The following COL1A1 variants were observed in gnomAD, a reference collection of about 807,000 sequenced individuals.
The protein encoded by COL1A1 is collagen type I alpha 1 chain, also known as collagen alpha-1(I) chain.
In COL1A1, 21 loss-of-function variants were observed where a neutral mutation model predicts 195.7. That is an observed-to-expected ratio of 0.11 (90% CI 0.08 to 0.15). The LOEUF is 0.15. COL1A1 is among the 10% of genes least tolerant of loss of function. COL1A1 has a pLI of 1.00. For missense variants in COL1A1, 1,365 were observed against 2,051.0 expected, an observed-to-expected ratio of 0.67 and a Z score of 6.46; for synonymous variants, 749 against 747.3, an observed-to-expected ratio of 1.00 and a Z score of -0.04.
At position 50,184,802 on chromosome 17, in the gene COL1A1, C is replaced by T. The variant is rs1196095616; in HGVS notation, c.*700G>A. 3.0e-5 allele frequency: 6 copies of T among 202,582 alleles called. No homozygotes were observed. The highest frequency in any genetic ancestry group is 4.7e-5 in the Non-Finnish European group (5 of 105,354). The allele number at this position is 202,582 out of a possible 1,614,324, so 12.5% of individuals were successfully genotyped here. On this transcript the variant is annotated 3_prime_UTR_variant, in exon 51 of 51. Coordinates refer to ENST00000225964, the MANE Select transcript of COL1A1 (RefSeq NM_000088.4). ...GGGATTGACACGCGTTCCCCAAATC[C>T]GATGTTTCTGCTTTGTCGTGGCCCT...
chr17:50,185,689 TG>T (rs1341445589), intron 50 of COL1A1, 41 bp from the exon 51 acceptor site: 3 of 1,612,040 alleles, frequency 1.9e-6, no homozygotes, highest in Admixed American at 3.3e-5. Flanking sequence ...CATTACCACG[TG>T]GGAGTGATGG....
chr17:50,201,389 C>G, intron 1 of COL1A1, 22 bp downstream of exon 1: 1 of 1,610,084 alleles, frequency 6.2e-7, no homozygotes, highest in Non-Finnish European at 8.5e-7. Context: ...TATCCTTGCA[C>G]TCCCAAAAGT....
At chr17:50,197,117 C>T (rs1907664859) in intron 10 of COL1A1, 54 bp from the exon 11 acceptor site, 4 of 1,613,872 alleles carry the variant, frequency 2.5e-6, no homozygotes, top group Non-Finnish European at 3.4e-6. Context: ...TCACTGTGGA[C>T]CCAGCTCCTA....
rs1906730282 is a variant in COL1A1, at chr17:50,188,209, G to A, written c.3208-60C>T. On this transcript the variant is annotated intron_variant, in intron 43 of 50. Transcript: ENST00000225964. This position sits in a 1 kb window ranked among gnomAD's most constrained non-coding sequence, Gnocchi z 5.6. ...AGGGAAGGCTGAGGCTGGGGCTGCA[G>A]GATGAGGCCTCCCCTCTGCTGGATC... 1.4e-6 allele frequency: 2 copies of A among 1,427,038 alleles called. No homozygotes were observed. The highest frequency in any genetic ancestry group is 1.9e-6 in the Non-Finnish European group (2 of 1,052,876). The allele number at this position is 1,427,038 out of a possible 1,614,324, so 88.4% of individuals were successfully genotyped here.
At chr17:50,200,265 G>T in intron 1 of COL1A1, 1 of 428,194 alleles carries the variant, frequency 2.3e-6, no homozygotes, top group Non-Finnish European at 4.4e-6. Context: ...GTGAGAGGGG[G>T]AGGGCGGGGG....
Position 50,190,723 on chromosome 17 carries a change from G to A in COL1A1, c.2343+94C>T. 6.7e-7 allele frequency: 1 copy of A among 1,482,404 alleles called. No homozygotes were observed. The highest frequency in any genetic ancestry group is 9.4e-7 in the Non-Finnish European group (1 of 1,064,848). 91.8% of individuals were successfully genotyped at this position (1,482,404 alleles called of 1,614,324 possible). On this transcript the variant is annotated intron_variant, in intron 33 of 50. Coordinates refer to ENST00000225964, the MANE Select transcript of COL1A1 (RefSeq NM_000088.4). The surrounding 1 kb of genome is among the most constrained non-coding windows in gnomAD (Gnocchi z 4.7). ...CCAGGTTGACAGCTCAGTTTGGCAGGACCTGCTCTCCCAACGCAACCCCAC... is the reference window on the plus strand; with the variant it reads ...CCAGGTTGACAGCTCAGTTTGGCAGAACCTGCTCTCCCAACGCAACCCCAC...
At position 50,189,790 on chromosome 17, in the gene COL1A1, G is replaced by A; in HGVS notation, c.2614-58C>T. The A allele has an allele frequency of 6.2e-7, 1 of 1,611,982 alleles. No individual in the cohort carries two copies. Among genetic ancestry groups the A allele is most frequent in the Non-Finnish European group, 8.5e-7 (1 of 1,178,666 alleles). ...GAGAACAGCCAACTCATCCGACCCA[G>A]CTGCCCTCACCTGCCACCGCTGCCT... On this transcript the variant is annotated intron_variant, in intron 37 of 50. Coordinates refer to ENST00000225964, the MANE Select transcript of COL1A1 (RefSeq NM_000088.4). This position sits in a 1 kb window ranked among gnomAD's most constrained non-coding sequence, Gnocchi z 5.5.
chr17:50,189,803 G>A lies in COL1A1; in HGVS notation c.2613+56C>T. 1 of 1,611,416 alleles carries A rather than the reference G, an allele frequency of 6.2e-7. No individual in the cohort carries two copies. The highest frequency in any genetic ancestry group is 8.5e-7 in the Non-Finnish European group (1 of 1,178,332). Reference sequence around the variant, plus strand: ...TCATCCGACCCAGCTGCCCTCACCTGCCACCGCTGCCTGGGGAGAGGGGAG... The same window carrying A: ...TCATCCGACCCAGCTGCCCTCACCTACCACCGCTGCCTGGGGAGAGGGGAG... On this transcript the variant is annotated intron_variant, in intron 37 of 50. Transcript: ENST00000225964. This position sits in a 1 kb window ranked among gnomAD's most constrained non-coding sequence, Gnocchi z 5.5.
chr17:50,186,423 A>G lies in COL1A1; in HGVS notation c.3899T>C (p.Val1300Ala). The part of the protein sequence containing the change: ...FCNMETGETC[V>A]YPTQPSVAQK... The stretch of plus-strand genomic sequence containing the variant: ...GGCCACACTGGGCTGAGTGGGGTAC[A>G]CGCAGGTCTCACCAGTCTCCATGTT... The change falls in exon 49 of 51, where the codon GTG becomes GCG. Residue 1300 changes from valine (V) to alanine (A), a missense_variant. By Grantham distance (64) the Val-to-Ala change is moderately conservative (BLOSUM62 0). Around this residue, in one of 5 missense-constraint regions of COL1A1, gnomAD observed 273 missense variants for 338.6 expected, o/e 0.81. Transcript: ENST00000225964. This position sits in a 1 kb window ranked among gnomAD's most constrained non-coding sequence, Gnocchi z 5.3. 6.2e-7 allele frequency: 1 copy of G among 1,614,182 alleles called. No individual in the cohort carries two copies. The highest frequency in any genetic ancestry group is 8.5e-7 in the Non-Finnish European group (1 of 1,180,040).
intron 31 of COL1A1, 128 bp downstream of exon 31, chr17:50,191,660 C>A: frequency 1.7e-6 from 2 of 1,178,834 alleles, no homozygotes; most frequent in South Asian, 1.3e-5. Flanking sequence ...GGCCCCTGCC[C>A]TGGTCTTTTC....
rs144751329 is a variant in COL1A1, at chr17:50,194,380, C to A, written c.1583G>T (p.Arg528Leu). The change falls in exon 23 of 51, where the codon CGT (arginine) becomes CTT (leucine). Residue 528 changes from arginine (R) to leucine (L), a missense_variant. Arg to Leu is a moderately radical substitution (Grantham distance 102). Transcript: ENST00000225964. The surrounding 1 kb of genome is among the most constrained non-coding windows in gnomAD (Gnocchi z 6.8). ...ACCAGGCAGACCAGCTTCACCGGGA[C>A]GACCAGCTTCACCAGGAGATCCTTT... Reference protein sequence around the residue: ...GPKGSPGEAGRPGEAGLPGAK... With the variant: ...GPKGSPGEAGLPGEAGLPGAK... 1 of 1,614,094 alleles carries A rather than the reference C, an allele frequency of 6.2e-7. No homozygotes were observed. Among genetic ancestry groups the A allele is most frequent in the South Asian group, 1.1e-5 (1 of 91,074 alleles).
Position 50,191,660 on chromosome 17 carries a change from C to G in COL1A1, c.2127+128G>C, listed in dbSNP as rs2075556. ...TCCAGGCTGTGTGTGGGCCCCTGCC[C>G]TGGTCTTTTCCCCCCACCCCACACC... On this transcript the variant is annotated intron_variant, in intron 31 of 50. Coordinates refer to ENST00000225964, the MANE Select transcript of COL1A1 (RefSeq NM_000088.4). 174,621 of 1,177,800 alleles carry G rather than the reference C, an allele frequency of 0.15. 14,586 individuals carry two copies. The highest frequency in any genetic ancestry group is 0.32 in the East Asian group (12,733 of 39,410). The allele number at this position is 1,177,800 out of a possible 1,614,324, so 73.0% of individuals were successfully genotyped here. A position where few individuals can be genotyped will look rare whatever the true frequency, so the allele number is the denominator to read the frequency against.
At chr17:50,193,697 G>A (rs1246238735) in intron 25 of COL1A1, 3 of 507,206 alleles carry the variant, frequency 5.9e-6, no homozygotes, top group South Asian at 2.0e-5. Flanking sequence ...TGGCCCGACT[G>A]GTCTCAAACT....
chr17:50,196,762 T>A (rs1242817232), intron 11 of COL1A1, 92 bp from the exon 12 acceptor site: 2 of 1,391,228 alleles, frequency 1.4e-6, no homozygotes, highest in African/African-American at 2.8e-5. Context: ...CCTTGGGAGG[T>A]CATCACCGCC....
Position 50,189,928 on chromosome 17 carries a change from G to C in COL1A1, c.2560-16C>G. On this transcript the variant is annotated splice_polypyrimidine_tract_variant and intron_variant, in intron 36 of 50. Transcript: ENST00000225964. The surrounding 1 kb of genome is among the most constrained non-coding windows in gnomAD (Gnocchi z 5.5). ...CAACATTACCCTGTAGGAGAGCACAGAGGCATCAAGCCTGGACCCGTCCTG... is the reference window on the plus strand; with the variant it reads ...CAACATTACCCTGTAGGAGAGCACACAGGCATCAAGCCTGGACCCGTCCTG... 4 of 1,611,890 alleles carry C rather than the reference G, an allele frequency of 2.5e-6. No individual in the cohort carries two copies. Among genetic ancestry groups the C allele is most frequent in the Non-Finnish European group, 2.5e-6 (3 of 1,179,016 alleles).
Position 50,186,077 on chromosome 17 carries a change from G to A in COL1A1, c.4006-57C>T. The A allele has an allele frequency of 3.1e-6, 5 of 1,602,736 alleles. No homozygotes were observed. The highest frequency in any genetic ancestry group is 4.2e-6 in the Non-Finnish European group (5 of 1,178,998). On this transcript the variant is annotated intron_variant, in intron 49 of 50. Transcript: ENST00000225964. The surrounding 1 kb of genome is among the most constrained non-coding windows in gnomAD (Gnocchi z 5.3). The stretch of plus-strand genomic sequence containing the variant: ...CCGCTATGCGGGAACCTCTAGTCCT[G>A]CCTGGCCTCCCTGTCCAGGGTCCTC...
chr17:50,199,712 GGCCCCAGGCCCCAGGCC>G, intron 2 of COL1A1, 24 bp downstream of exon 2: 1 of 219,230 alleles, frequency 4.6e-6, no homozygotes, highest in Non-Finnish European at 7.7e-6. Flanking sequence ...CCAGGCCCCA[GGCCCCAGGCCCCAGGCC>G]CCAGGCCCCG....
Position 50,188,849 on chromosome 17 carries a change from A to G in COL1A1, c.3045+54T>C. On this transcript the variant is annotated intron_variant, in intron 41 of 50. Coordinates refer to ENST00000225964, the MANE Select transcript of COL1A1 (RefSeq NM_000088.4). The surrounding 1 kb of genome is among the most constrained non-coding windows in gnomAD (Gnocchi z 5.6). ...GTCAGCCGGGGAAGAGGGCTTAGGC[A>G]AGGCCACAATGGCCATGCTGAGGGT... is the stretch of plus-strand genomic sequence containing the variant. 1.2e-6 allele frequency: 2 copies of G among 1,604,734 alleles called. No individual in the cohort carries two copies. The highest frequency in any genetic ancestry group is 1.7e-6 in the Non-Finnish European group (2 of 1,171,646).
chr17:50,196,710 G>T, intron 11 of COL1A1, 40 bp from the exon 12 acceptor site: 1 of 1,607,748 alleles, frequency 6.2e-7, no homozygotes, highest in Non-Finnish European at 8.5e-7. Context: ...ACCTGTGGAG[G>T]GGGTGGAACA....
Sources: gnomAD v4.1 joint callset for allele counts on GRCh38, gnomAD v4.1.1 for gene constraint, gnomAD v4.1.1 regional missense constraint, Gnocchi (gnomAD v3.1) non-coding constraint, MANE v1.5 for transcripts, NCBI Gene and HGNC (gene_info 2026-07-23, HGNC 2026-07-21) for gene names.